Variants in KAZN observed in about 807,000 individuals in gnomAD.
The protein encoded by KAZN is kazrin.
KAZN carries 40 observed loss-of-function variants against 87.4 expected under a neutral mutation model. The ratio of observed to expected loss-of-function variants is 0.46; its 90% CI spans 0.36 to 0.60. KAZN has a LOEUF of 0.60. Ranked by LOEUF, KAZN falls within the 20% of genes least tolerant of loss-of-function variation. KAZN has a pLI of 0.00. For synonymous variants in KAZN, 466 were observed against 458.3 expected, an observed-to-expected ratio of 1.02 and a Z score of -0.22; for missense variants, 898 against 1,073.9, an observed-to-expected ratio of 0.84 and a Z score of 2.29.
chr1:15,110,291 G>GTGTATA (rs1457139701), intron 13 of KAZN, among the ~76,000 whole-genome samples: 4 of 151,634 alleles, frequency 2.6e-5, no homozygotes, highest in Non-Finnish European at 5.9e-5. Context: ...GTTTGTGTGT[G>GTGTATA]TGTATATGTA....
At chr1:13,906,733 AC>A (rs2100854427) in intron 1 of KAZN, among the ~76,000 whole-genome samples, 1 of 152,304 alleles carries the variant, frequency 6.6e-6, no homozygotes, top group African/African-American at 2.4e-5. Context: ...TGTCTCAGGG[AC>A]TCACTCTGTG....
At chr1:14,216,911 T>TA (rs1413475611) in intron 2 of KAZN, among the ~76,000 whole-genome samples, 2 of 151,700 alleles carry the variant, frequency 1.3e-5, no homozygotes, top group Admixed American at 1.3e-4. Context: ...TCTCAAAAAA[T>TA]AAAAAAAGTT....
At chr1:15,052,654 G>T (rs1433251640) in intron 4 of KAZN, among the ~76,000 whole-genome samples, 1 of 152,104 alleles carries the variant, frequency 6.6e-6, no homozygotes, top group Non-Finnish European at 1.5e-5. Flanking sequence ...GTGAAAGCAG[G>T]TGCATGTATT....
At chr1:14,197,993 C>T (rs576747413) in intron 2 of KAZN, among the ~76,000 whole-genome samples, 1 of 141,646 alleles carries the variant, frequency 7.1e-6, no homozygotes, top group African/African-American at 2.7e-5. Context: ...ACAGGACCAC[C>T]GGGTTCCACT....
At chr1:14,788,618 C>T (rs996875436) in intron 1 of KAZN, among the ~76,000 whole-genome samples, 2 of 152,120 alleles carry the variant, frequency 1.3e-5, no homozygotes, top group Non-Finnish European at 2.9e-5. Context: ...ACCCAGTAGA[C>T]CCTAAAGCAC....
intron 2 of KAZN, among the ~76,000 whole-genome samples, chr1:14,248,603 G>A (rs968480899): frequency 1.3e-5 from 2 of 152,236 alleles, no homozygotes; most frequent in Non-Finnish European, 2.9e-5. Context: ...TAGTTAGGAA[G>A]ACTGGGAAGG....
At chr1:14,686,344 T>C (rs1216908129) in intron 1 of KAZN, among the ~76,000 whole-genome samples, 2 of 152,154 alleles carry the variant, frequency 1.3e-5, no homozygotes, top group Non-Finnish European at 2.9e-5. Flanking sequence ...ATTACAGGCG[T>C]GAGCCACCAC....
intron 1 of KAZN, among the ~76,000 whole-genome samples, chr1:13,967,511 C>T (rs1218032605): frequency 6.6e-6 from 1 of 152,122 alleles, no homozygotes; most frequent in African/African-American, 2.4e-5. Flanking sequence ...AATACAGAGG[C>T]CTGGGGGTCA....
chr1:14,670,837 C>G (rs1004838392), intron 1 of KAZN, among the ~76,000 whole-genome samples: 3 of 152,204 alleles, frequency 2.0e-5, no homozygotes, highest in African/African-American at 7.2e-5. Context: ...ACACTTTGAA[C>G]AGCAAGGGAT....
intron 2 of KAZN, among the ~76,000 whole-genome samples, chr1:14,243,328 T>A (rs1397218666): frequency 2.6e-5 from 4 of 152,164 alleles, no homozygotes; most frequent in Non-Finnish European, 4.4e-5. Flanking sequence ...GCCCTACCCT[T>A]TTCTGCAGGC....
At chr1:14,519,807 G>T (rs1355223616) in intron 2 of KAZN, among the ~76,000 whole-genome samples, 4 of 152,192 alleles carry the variant, frequency 2.6e-5, no homozygotes, top group African/African-American at 9.6e-5. Context: ...CATGTGTCTG[G>T]CATGACCCAG....
intron 2 of KAZN, among the ~76,000 whole-genome samples, chr1:14,326,116 C>T (rs1656394456): frequency 6.6e-6 from 1 of 152,194 alleles, no homozygotes; most frequent in Non-Finnish European, 1.5e-5. Flanking sequence ...ATTGACATCT[C>T]CCCTTGAGTG....
intron 2 of KAZN, among the ~76,000 whole-genome samples, chr1:14,214,553 A>G (rs531842467): frequency 1.7e-3 from 259 of 152,350 alleles, no homozygotes; most frequent in Non-Finnish European, 3.1e-3. Context: ...ATGATTTTTC[A>G]TTTACTTTCC....
chr1:14,432,465 C>T (rs1456527364), intron 2 of KAZN, among the ~76,000 whole-genome samples: 1 of 152,192 alleles, frequency 6.6e-6, no homozygotes, highest in Non-Finnish European at 1.5e-5. Context: ...CTTTGGCAGA[C>T]AGATATATGG....
At chr1:13,962,587 T>C (rs796552635) in intron 1 of KAZN, among the ~76,000 whole-genome samples, 11 of 152,294 alleles carry the variant, frequency 7.2e-5, no homozygotes, top group African/African-American at 2.6e-4. Flanking sequence ...AGATGGAGTC[T>C]TGCTCTGTCA....
chr1:14,718,117 G>A (rs958694461), intron 1 of KAZN, among the ~76,000 whole-genome samples: 3 of 152,200 alleles, frequency 2.0e-5, no homozygotes, highest in Non-Finnish European at 4.4e-5. Context: ...ATTACCCCCA[G>A]GGAGTCTGAT....
At chr1:14,585,215 G>A (rs529476528) in intron 2 of KAZN, among the ~76,000 whole-genome samples, 39 of 152,298 alleles carry the variant, frequency 2.6e-4, no homozygotes, top group African/African-American at 8.7e-4. Context: ...CCCCCTAGTC[G>A]GTGGTTCTTG....
intron 1 of KAZN, among the ~76,000 whole-genome samples, chr1:14,857,226 G>A (rs1650237557): frequency 6.6e-6 from 1 of 152,158 alleles, no homozygotes; most frequent in Admixed American, 6.5e-5. Context: ...ATTAGTGTAT[G>A]TCAAGCACGC....
At chr1:13,998,386 A>G (rs543291929) in intron 1 of KAZN, among the ~76,000 whole-genome samples, 2 of 152,304 alleles carry the variant, frequency 1.3e-5, no homozygotes, top group African/African-American at 4.8e-5. Flanking sequence ...ACTAACCTTT[A>G]ATGTAAATGG....
Sources: allele counts gnomAD v4.1 joint callset (sites outside exome capture counted in the v4.1 genomes callset), GRCh38; gene constraint gnomAD v4.1.1; transcripts MANE v1.5; gene names NCBI Gene and HGNC (gene_info 2026-07-23, HGNC 2026-07-21).